Variants in TMEFF2 observed in about 807,000 individuals in gnomAD.
TMEFF2 encodes tomoregulin-2.
Under a neutral mutation model 53.8 loss-of-function variants are expected in TMEFF2, and 28 were observed. That is an observed-to-expected ratio of 0.52 (90% CI 0.39 to 0.71). The LOEUF (loss-of-function observed/expected upper bound fraction) is 0.71, where lower values mean the gene tolerates loss of function less well. TMEFF2 is among the 30% of genes least tolerant of loss of function. The probability of loss-of-function intolerance (pLI) is 0.00; values close to 1 mark genes in which losing one functional copy is unlikely to be tolerated. For missense variants in TMEFF2, 353 were observed against 455.2 expected (o/e 0.78, Z 2.04); for synonymous variants, 162 against 166.3 (o/e 0.97, Z 0.20).
chr2:192,121,806 A>G (rs935784062), intron 4 of TMEFF2, among the ~76,000 whole-genome samples: 31 of 152,222 alleles, frequency 2.0e-4, no homozygotes, highest in Admixed American at 1.8e-3. Flanking sequence ...AATGGAGTAT[A>G]AACTGCCTGT....
intron 4 of TMEFF2, among the ~76,000 whole-genome samples, chr2:192,092,642 G>A (rs1468646828): frequency 1.3e-5 from 2 of 152,118 alleles, no homozygotes; most frequent in Non-Finnish European, 2.9e-5. Context: ...TCTTGCTGAT[G>A]TGAGTAAGGA....
At chr2:191,978,819 TTTA>T (rs1293168730) in intron 7 of TMEFF2, among the ~76,000 whole-genome samples, 1 of 152,106 alleles carries the variant, frequency 6.6e-6, no homozygotes, top group Non-Finnish European at 1.5e-5. Context: ...CATAAAATAA[TTTA>T]TTAAGATTTT....
chr2:192,139,862 A>C (rs1690095891), intron 4 of TMEFF2, among the ~76,000 whole-genome samples: 1 of 152,190 alleles, frequency 6.6e-6, no homozygotes, highest in African/African-American at 2.4e-5. Flanking sequence ...GAAGAGCCCT[A>C]CTTTAGGGAT....
rs576385055 is a variant in TMEFF2, at chr2:192,152,583, G to A, written c.439+27085C>T. 2.6e-5 allele frequency among the ~76,000 whole-genome samples: 4 copies of A among 152,058 alleles called. No individual in the cohort carries two copies. In the East Asian group the frequency reaches 5.8e-4, roughly 22 times the overall value. ...CGTTTTAAAGACTGTAAAACATAACGTCTATGAAGGTAGCTAGTATGGTAC... is the reference window on the plus strand; with the variant it reads ...CGTTTTAAAGACTGTAAAACATAACATCTATGAAGGTAGCTAGTATGGTAC... On this transcript the variant is annotated intron_variant, in intron 4 of 9. Coordinates refer to ENST00000272771, the MANE Select transcript of TMEFF2 (RefSeq NM_016192.4).
intron 4 of TMEFF2, among the ~76,000 whole-genome samples, chr2:192,120,876 C>G (rs1050157437): frequency 6.6e-6 from 1 of 152,008 alleles, no homozygotes; most frequent in Non-Finnish European, 1.5e-5. Context: ...AGCTGGACTA[C>G]AGGTGGGCGT....
At chr2:192,062,347 G>A (rs1452931168) in intron 4 of TMEFF2, among the ~76,000 whole-genome samples, 1 of 151,984 alleles carries the variant, frequency 6.6e-6, no homozygotes, top group Non-Finnish European at 1.5e-5. Context: ...TCTTTTTATT[G>A]CTTAGTATTC....
chr2:191,949,941 A>C lies in TMEFF2; in HGVS notation c.*370T>G. ...GTCTCAAGATGAGAAGAAACATGAAATATTGGTAGCTGTACAGATTGTACT... is the reference window on the plus strand; with the variant it reads ...GTCTCAAGATGAGAAGAAACATGAACTATTGGTAGCTGTACAGATTGTACT... On this transcript the variant is annotated 3_prime_UTR_variant, in exon 10 of 10. Coordinates refer to ENST00000272771, the MANE Select transcript of TMEFF2 (RefSeq NM_016192.4). The C allele has an allele frequency of 9.9e-7, 1 of 1,005,440 alleles. No homozygotes were observed. Among genetic ancestry groups the C allele is most frequent in the Non-Finnish European group, 1.2e-6 (1 of 842,250 alleles). The allele number at this position is 1,005,440 out of a possible 1,614,324, so 62.3% of individuals were successfully genotyped here.
intron 7 of TMEFF2, among the ~76,000 whole-genome samples, chr2:191,974,752 G>A (rs1692751419): frequency 6.6e-6 from 1 of 152,054 alleles, no homozygotes; most frequent in South Asian, 2.1e-4. Context: ...TTAATGTTCA[G>A]TGTGGGTCAT....
chr2:192,122,847 G>C (rs1488081209), intron 4 of TMEFF2, among the ~76,000 whole-genome samples: 1 of 151,852 alleles, frequency 6.6e-6, no homozygotes, highest in Non-Finnish European at 1.5e-5. Context: ...TATAAATACA[G>C]AAAAACATAA....
chr2:192,109,376 T>A (rs190854766), intron 4 of TMEFF2, among the ~76,000 whole-genome samples: 1 of 152,220 alleles, frequency 6.6e-6, no homozygotes, highest in African/African-American at 2.4e-5. Flanking sequence ...GACTCACTGC[T>A]GGTTGCTACC....
intron 4 of TMEFF2, among the ~76,000 whole-genome samples, chr2:192,134,613 A>G (rs1689951571): frequency 6.6e-6 from 1 of 152,108 alleles, no homozygotes; most frequent in Non-Finnish European, 1.5e-5. Context: ...CTACACTTCA[A>G]GCTCGAAGCT....
intron 4 of TMEFF2, among the ~76,000 whole-genome samples, chr2:192,126,811 G>A (rs983169526): frequency 5.3e-5 from 8 of 151,864 alleles, no homozygotes; most frequent in African/African-American, 1.9e-4. Context: ...TTCACTACGT[G>A]GAGTTGCCTT....
chr2:192,044,621 G>A (rs941132935), intron 5 of TMEFF2: 5 of 152,236 alleles, frequency 3.3e-5, no homozygotes, highest in Non-Finnish European at 7.3e-5. Flanking sequence ...CTGTCACTTG[G>A]GCCTTATGAT....
chr2:192,100,422 T>A (rs573821160), intron 4 of TMEFF2, among the ~76,000 whole-genome samples: 2 of 152,300 alleles, frequency 1.3e-5, no homozygotes, highest in Middle Eastern at 6.8e-3. Flanking sequence ...TCAAAGCACA[T>A]CTTCTATACT....
intron 4 of TMEFF2, among the ~76,000 whole-genome samples, chr2:192,076,094 G>A (rs921404667): frequency 1.3e-4 from 19 of 151,992 alleles, no homozygotes; most frequent in African/African-American, 4.3e-4. Context: ...TTGGCACAGA[G>A]TAGGTATTTA....
intron 5 of TMEFF2, among the ~76,000 whole-genome samples, chr2:192,047,642 AG>A (rs781544840): frequency 6.6e-6 from 1 of 152,240 alleles, no homozygotes; most frequent in African/African-American, 2.4e-5. Context: ...ACTTTACATT[AG>A]GGGGGCTAGA....
At chr2:192,182,124 C>CA (rs199857247) in intron 3 of TMEFF2, among the ~76,000 whole-genome samples, 115 of 150,060 alleles carry the variant, frequency 7.7e-4, no homozygotes, top group African/African-American at 2.6e-3. Context: ...ATTCTCTGGA[C>CA]AAAAAAAAAT....
chr2:191,971,677 T>G (rs1692643217), intron 7 of TMEFF2, among the ~76,000 whole-genome samples: 1 of 152,210 alleles, frequency 6.6e-6, no homozygotes, highest in Admixed American at 6.5e-5. Context: ...ATCAATAATA[T>G]TCATTCATTT....
chr2:191,985,637 T>C (rs1000406695), intron 7 of TMEFF2, among the ~76,000 whole-genome samples: 1 of 152,232 alleles, frequency 6.6e-6, no homozygotes, highest in African/African-American at 2.4e-5. Context: ...GTGCACATAC[T>C]GTATGAATAG....
Sources: allele counts gnomAD v4.1 joint callset (sites outside exome capture counted in the v4.1 genomes callset), GRCh38; gene constraint gnomAD v4.1.1; transcripts MANE v1.5; gene names NCBI Gene and HGNC (gene_info 2026-07-23, HGNC 2026-07-21).